FBXL17: variants seen among roughly 807,000 people sequenced by gnomAD.
FBXL17 encodes the protein F-box/LRR-repeat protein 17.
Under a neutral mutation model 66.2 loss-of-function variants are expected in FBXL17, and 22 were observed. The observed-to-expected ratio is 0.33, with a 90% CI of 0.24 to 0.47. FBXL17 has a LOEUF of 0.47. Ranked by LOEUF, FBXL17 falls within the 20% of genes least tolerant of loss-of-function variation. The pLI is 1.00. For missense variants in FBXL17, 878 were observed against 948.2 expected (o/e 0.93, Z 0.97); for synonymous variants, 474 against 400.5 (o/e 1.18, Z -2.19).
chr5:108,140,280 A>G (rs1664499278), intron 6 of FBXL17, among the ~76,000 whole-genome samples: 1 of 152,166 alleles, frequency 6.6e-6, no homozygotes, highest in Admixed American at 6.5e-5. Context: ...TCCTGGGGTC[A>G]AGTGACCCAC....
In FBXL17 at chr5:108,381,383, G is replaced by A; in HGVS notation, c.309C>T (p.Arg103=). ...AGTCCTCGGCGGCCAGGGCCGCGTAGCGCCGCGCCAGGTGCTGAGAGGAGG... is the reference window on the plus strand; with the variant it reads ...AGTCCTCGGCGGCCAGGGCCGCGTAACGCCGCGCCAGGTGCTGAGAGGAGG... ...AASSSQHLAR[R]YAALAAEDCA... Residue 103 remains arginine (R), a synonymous_variant, in exon 1 of 9, where the codon CGC becomes CGT. Coordinates refer to ENST00000542267, the MANE Select transcript of FBXL17 (RefSeq NM_001163315.3). 2 of 1,326,582 alleles carry A rather than the reference G, an allele frequency of 1.5e-6. No homozygotes were observed. Among genetic ancestry groups the A allele is most frequent in the South Asian group, 2.1e-5 (1 of 46,934 alleles). 82.2% of individuals were successfully genotyped at this position (1,326,582 alleles called of 1,614,324 possible).
At chr5:108,296,605 T>C (rs1406274649) in intron 4 of FBXL17, among the ~76,000 whole-genome samples, 2 of 151,814 alleles carry the variant, frequency 1.3e-5, no homozygotes, top group South Asian at 2.1e-4. Context: ...CACTTTGATG[T>C]CAGGAATGGA....
At chr5:108,356,013 T>C (rs944675725) in intron 3 of FBXL17, among the ~76,000 whole-genome samples, 2 of 152,120 alleles carry the variant, frequency 1.3e-5, no homozygotes, top group African/African-American at 2.4e-5. Context: ...GACAGAAATA[T>C]ATAAATTAAA....
At position 107,905,940 on chromosome 5, in the gene FBXL17, T is replaced by G. The variant is rs975325351; in HGVS notation, c.1823-24761A>C. ...CTGGGCAACATTTCTTAGAATGAAG[T>G]ATGGGACTGTAGTCAAACTCAGCAG... On this transcript the variant is annotated intron_variant, in intron 7 of 8. Coordinates refer to ENST00000542267, the MANE Select transcript of FBXL17 (RefSeq NM_001163315.3). Among the ~76,000 whole-genome samples, 4 of 152,282 alleles carry G rather than the reference T, an allele frequency of 2.6e-5. No individual in the cohort carries two copies. The South Asian group carries it at 8.3e-4, about 32-fold the overall frequency.
intron 6 of FBXL17, among the ~76,000 whole-genome samples, chr5:108,073,651 A>T: frequency 6.6e-6 from 1 of 152,214 alleles, no homozygotes; most frequent in East Asian, 1.9e-4. Flanking sequence ...CACTATAAAC[A>T]AGTTTCCCTG....
chr5:107,933,242 G>C (rs1561327291), intron 7 of FBXL17, among the ~76,000 whole-genome samples: 1 of 152,190 alleles, frequency 6.6e-6, no homozygotes. Flanking sequence ...GGTAAAGAAT[G>C]AGATGGAACT....
At chr5:108,262,477 G>C (rs144033754) in intron 4 of FBXL17, among the ~76,000 whole-genome samples, 1 of 152,062 alleles carries the variant, frequency 6.6e-6, no homozygotes, top group Non-Finnish European at 1.5e-5. Flanking sequence ...CAAAAATTAT[G>C]AAATAATTTG....
In FBXL17 at chr5:108,051,136, T is replaced by C. The variant is rs143891932; in HGVS notation, c.1746-30135A>G. 2.8e-3 allele frequency among the ~76,000 whole-genome samples: 422 copies of C among 152,298 alleles called. 2 individuals carry two copies. The highest frequency in any genetic ancestry group is 9.1e-3 in the African/African-American group (377 of 41,568). On this transcript the variant is annotated intron_variant, in intron 6 of 8. Transcript: ENST00000542267. ...GAAAGCCCAGGACCAGATGCATTCATAGCCCAATTCTACCAGAGGTACAAA... is the reference window on the plus strand; with the variant it reads ...GAAAGCCCAGGACCAGATGCATTCACAGCCCAATTCTACCAGAGGTACAAA...
At chr5:108,028,571 T>C (rs1200398153) in intron 6 of FBXL17, among the ~76,000 whole-genome samples, 1 of 152,146 alleles carries the variant, frequency 6.6e-6, no homozygotes, top group Admixed American at 6.6e-5. Flanking sequence ...TGCTTTGCAG[T>C]GACTAATTGC....
chr5:108,182,452 C>A (rs1166304072), intron 6 of FBXL17, among the ~76,000 whole-genome samples: 2 of 152,076 alleles, frequency 1.3e-5, no homozygotes, highest in African/African-American at 4.8e-5. Flanking sequence ...GATGATACTG[C>A]AAAGTGGGTT....
chr5:108,153,583 C>T (rs773673078), intron 6 of FBXL17, among the ~76,000 whole-genome samples: 9 of 152,166 alleles, frequency 5.9e-5, no homozygotes, highest in African/African-American at 9.7e-5. Flanking sequence ...CCAGCCTTCA[C>T]GTTGCTGATC....
rs115293290 is a variant in FBXL17 at position 108,114,609 on chromosome 5, A to G, written c.1745+71508T>C. Reference sequence around the variant, plus strand: ...GACATTTGTTTTTCAAACTATGTATATCAGAAAGACATTCAAATGGGCAAA... The same window carrying G: ...GACATTTGTTTTTCAAACTATGTATGTCAGAAAGACATTCAAATGGGCAAA... On this transcript the variant is annotated intron_variant, in intron 6 of 8. Transcript: ENST00000542267. Among the ~76,000 whole-genome samples, 526 of 152,334 alleles carry G rather than the reference A, an allele frequency of 3.5e-3. 2 individuals carry two copies. Among genetic ancestry groups the G allele is most frequent in the African/African-American group, 0.012 (508 of 41,574 alleles).
At chr5:107,981,663 C>T (rs556126306) in intron 7 of FBXL17, among the ~76,000 whole-genome samples, 3 of 152,332 alleles carry the variant, frequency 2.0e-5, no homozygotes, top group South Asian at 2.1e-4. Flanking sequence ...AGTTGGCTTT[C>T]GCAGTTTCTG....
intron 4 of FBXL17, chr5:108,298,005 A>G (rs1243380545): frequency 1.0e-6 from 1 of 984,236 alleles, no homozygotes; most frequent in Admixed American, 6.2e-5. Flanking sequence ...AATGTAAGCT[A>G]CAGTCACCAA....
At chr5:107,913,893 T>C (rs1466673572) in intron 7 of FBXL17, among the ~76,000 whole-genome samples, 2 of 151,924 alleles carry the variant, frequency 1.3e-5, no homozygotes, top group African/African-American at 4.8e-5. Context: ...CCACACGGGA[T>C]TGAAATGGGC....
At chr5:108,238,296 T>A (rs1229363265) in intron 4 of FBXL17, among the ~76,000 whole-genome samples, 2 of 152,224 alleles carry the variant, frequency 1.3e-5, no homozygotes, top group Admixed American at 1.3e-4. Flanking sequence ...TTATTTAAAG[T>A]ACTTTTCTTT....
chr5:108,275,887 T>C (rs1279664375), intron 4 of FBXL17, among the ~76,000 whole-genome samples: 4 of 152,172 alleles, frequency 2.6e-5, no homozygotes, highest in South Asian at 2.1e-4. Context: ...ACCCATTTAC[T>C]ATCACAGAAT....
chr5:108,095,841 C>G (rs1054427160), intron 6 of FBXL17, among the ~76,000 whole-genome samples: 3 of 152,140 alleles, frequency 2.0e-5, no homozygotes, highest in African/African-American at 7.2e-5. Flanking sequence ...AGAGAACTGT[C>G]TTCTCAGAAG....
intron 7 of FBXL17, among the ~76,000 whole-genome samples, chr5:107,976,404 A>G (rs1361991909): frequency 1.3e-5 from 2 of 152,314 alleles, no homozygotes; most frequent in African/African-American, 2.4e-5. Context: ...TATTGGGTAG[A>G]TTTGTTAATT....
Sources: allele counts gnomAD v4.1 joint callset (sites outside exome capture counted in the v4.1 genomes callset), GRCh38; gene constraint gnomAD v4.1.1; transcripts MANE v1.5; gene names NCBI Gene and HGNC (gene_info 2026-07-23, HGNC 2026-07-21).